Variants in IMMP2L observed in about 807,000 individuals in gnomAD.
The protein encoded by IMMP2L is inner mitochondrial membrane peptidase subunit 2, also known as mitochondrial inner membrane protease subunit 2.
IMMP2L carries 18 observed loss-of-function variants against 19.3 expected under a neutral mutation model. The ratio of observed to expected loss-of-function variants is 0.93; its 90% CI spans 0.64 to 1.38. The LOEUF (loss-of-function observed/expected upper bound fraction) is 1.38, where lower values mean the gene tolerates loss of function less well. Among genes scored for constraint, IMMP2L ranks in the 40% most tolerant of loss-of-function variants. IMMP2L has a pLI of 0.00. For synonymous variants in IMMP2L, 76 were observed against 73.0 expected (o/e 1.04, Z -0.21); for missense variants, 233 against 218.2 (o/e 1.07, Z -0.43).
chr7:111,186,609 T>G lies in IMMP2L; in HGVS notation c.240-223044A>C, dbSNP rs190702832. ...AAGCCTGGCTAATTTTTTTGTATTT[T>G]TAGTAGAAACGGGGTTTCACCTTGT... On this transcript the variant is annotated intron_variant, in intron 3 of 5. Transcript: ENST00000405709. Among the ~76,000 whole-genome samples the G allele has an allele frequency of 2.5e-3, 376 of 152,144 alleles. 2 individuals carry two copies. The highest frequency in any genetic ancestry group is 0.014 in the Middle Eastern group (4 of 294).
chr7:110,926,199 C>T (rs1814832457), intron 4 of IMMP2L, among the ~76,000 whole-genome samples: 1 of 151,968 alleles, frequency 6.6e-6, no homozygotes, highest in Non-Finnish European at 1.5e-5. Context: ...TATATTACCT[C>T]TATTCAGGTG....
chr7:111,335,982 T>C (rs1466975076), intron 3 of IMMP2L, among the ~76,000 whole-genome samples: 2 of 152,090 alleles, frequency 1.3e-5, no homozygotes, highest in Non-Finnish European at 2.9e-5. Context: ...TGTACATCAA[T>C]AGATACTTAC....
chr7:111,166,744 G>C lies in IMMP2L; in HGVS notation c.240-203179C>G, dbSNP rs116420959. ...CTGGGGAAGAATTCTTCCTTATTTT[G>C]TCTAATTTCTGGTGGTTCCAGTCAT... On this transcript the variant is annotated intron_variant, in intron 3 of 5. Coordinates refer to ENST00000405709, the MANE Select transcript of IMMP2L (RefSeq NM_032549.4). Among the ~76,000 whole-genome samples, 816 of 152,030 alleles carry C rather than the reference G, an allele frequency of 5.4e-3. 15 individuals are homozygous for C. Among genetic ancestry groups the C allele is most frequent in the African/African-American group, 0.019 (783 of 41,506 alleles).
chr7:111,087,403 C>T (rs945241797), intron 3 of IMMP2L, among the ~76,000 whole-genome samples: 1 of 148,780 alleles, frequency 6.7e-6, no homozygotes, highest in East Asian at 2.0e-4. Context: ...GAGCCGAGAT[C>T]GTGCCACTGC....
At position 110,943,057 on chromosome 7, in the gene IMMP2L, A is replaced by C. The variant is rs367919774; in HGVS notation, c.305+20443T>G. On this transcript the variant is annotated intron_variant, in intron 4 of 5. Coordinates refer to ENST00000405709, the MANE Select transcript of IMMP2L (RefSeq NM_032549.4). ...CCTGAACAGTATACCTTTACTTATG[A>C]GACTAAAAAGTAATACTAATAGAAA... Among the ~76,000 whole-genome samples, 3 of 152,126 alleles carry C rather than the reference A, an allele frequency of 2.0e-5. No homozygotes were observed. In the South Asian group the frequency reaches 6.2e-4, roughly 31 times the overall value.
At chr7:111,493,358 A>G (rs995324384) in intron 2 of IMMP2L, among the ~76,000 whole-genome samples, 2 of 152,288 alleles carry the variant, frequency 1.3e-5, no homozygotes, top group African/African-American at 2.4e-5. Context: ...CTATGGCACT[A>G]TAAGAACCAC....
chr7:111,526,936 G>A (rs188741518), intron 1 of IMMP2L, among the ~76,000 whole-genome samples: 1 of 152,190 alleles, frequency 6.6e-6, no homozygotes. Context: ...AATTAAGGGG[G>A]AAACATTAAT....
In IMMP2L at chr7:111,385,874, T is replaced by C. The variant is rs544821464; in HGVS notation, c.239+101364A>G. 3.9e-5 allele frequency among the ~76,000 whole-genome samples: 6 copies of C among 152,188 alleles called. No homozygotes were observed. In the South Asian group the frequency reaches 1.2e-3, roughly 32 times the overall value. On this transcript the variant is annotated intron_variant, in intron 3 of 5. Transcript: ENST00000405709. ...TAATCAGAAATAAGATTTGGTTCAG[T>C]AAGGCGGGGTGAAGGAATAAACTCA...
intron 3 of IMMP2L, among the ~76,000 whole-genome samples, chr7:110,981,261 A>G (rs1278219295): frequency 6.6e-6 from 1 of 152,072 alleles, no homozygotes; most frequent in Non-Finnish European, 1.5e-5. Flanking sequence ...CAATTATCTG[A>G]AAATAAAAAA....
intron 4 of IMMP2L, among the ~76,000 whole-genome samples, chr7:110,938,632 C>T (rs920304802): frequency 6.6e-6 from 1 of 151,960 alleles, no homozygotes; most frequent in African/African-American, 2.4e-5. Flanking sequence ...ATCTTGTGCA[C>T]AATATTCAAT....
At chr7:111,151,983 C>A (rs1436901689) in intron 3 of IMMP2L, among the ~76,000 whole-genome samples, 1 of 152,054 alleles carries the variant, frequency 6.6e-6, no homozygotes, top group Non-Finnish European at 1.5e-5. Context: ...TAAGAGAGTA[C>A]TGTCGAAGTT....
At chr7:111,369,692 ATTTAAT>A (rs2131086698) in intron 3 of IMMP2L, among the ~76,000 whole-genome samples, 1 of 152,116 alleles carries the variant, frequency 6.6e-6, no homozygotes, top group South Asian at 2.1e-4. Flanking sequence ...AATAATAATT[ATTTAAT>A]TTTAACACTT....
chr7:110,809,614 G>A (rs1264401443), intron 5 of IMMP2L, among the ~76,000 whole-genome samples: 1 of 151,850 alleles, frequency 6.6e-6, no homozygotes, highest in African/African-American at 2.4e-5. Context: ...ATTACTTTAT[G>A]TAAAATACAT....
At chr7:111,328,087 T>C (rs2130615141) in intron 3 of IMMP2L, among the ~76,000 whole-genome samples, 1 of 151,846 alleles carries the variant, frequency 6.6e-6, no homozygotes, top group African/African-American at 2.4e-5. Flanking sequence ...ATAATAGAAC[T>C]AATGAAACTA....
chr7:111,111,255 G>A (rs1216380471), intron 3 of IMMP2L, among the ~76,000 whole-genome samples: 3 of 146,304 alleles, frequency 2.1e-5, no homozygotes, highest in African/African-American at 2.6e-5. Flanking sequence ...GCAAAAAGAC[G>A]CTTATGTGGG....
chr7:111,288,704 A>T (rs1368622960), intron 3 of IMMP2L, among the ~76,000 whole-genome samples: 2 of 152,206 alleles, frequency 1.3e-5, no homozygotes, highest in Non-Finnish European at 2.9e-5. Flanking sequence ...AATGAAAATG[A>T]AAACCACAAT....
intron 3 of IMMP2L, among the ~76,000 whole-genome samples, chr7:110,996,455 A>G (rs1333542072): frequency 1.3e-5 from 2 of 152,110 alleles, no homozygotes; most frequent in African/African-American, 4.8e-5. Flanking sequence ...CATCATTCCA[A>G]TGAAGAAGCT....
intron 3 of IMMP2L, among the ~76,000 whole-genome samples, chr7:111,058,288 A>C (rs1192909025): frequency 1.3e-5 from 2 of 152,190 alleles, no homozygotes; most frequent in Non-Finnish European, 2.9e-5. Flanking sequence ...TATTATCTAC[A>C]AAAAATGTAC....
chr7:110,796,174 C>G (rs1475954589), intron 5 of IMMP2L, among the ~76,000 whole-genome samples: 1 of 151,964 alleles, frequency 6.6e-6, no homozygotes, highest in Admixed American at 6.6e-5. Context: ...GGCCTCCCAG[C>G]CATGCTAAAC....
Sources: gnomAD v4.1 joint callset for allele counts (sites outside exome capture counted in the v4.1 genomes callset) on GRCh38, gnomAD v4.1.1 for gene constraint, MANE v1.5 for transcripts, NCBI Gene and HGNC (gene_info 2026-07-23, HGNC 2026-07-21) for gene names.